ANO3: variants seen among roughly 807,000 people sequenced by gnomAD.
ANO3 encodes anoctamin 3.
Under a neutral mutation model 144.8 loss-of-function variants are expected in ANO3, and 99 were observed. That is an observed-to-expected ratio of 0.68 (90% CI 0.58 to 0.81). The LOEUF is 0.81. ANO3 is among the 30% of genes least tolerant of loss of function. The probability of loss-of-function intolerance (pLI) is 0.00; values close to 1 mark genes in which losing one functional copy is unlikely to be tolerated. For synonymous variants in ANO3, 414 were observed against 392.6 expected (o/e 1.05, Z -0.64); for missense variants, 905 against 1,202.2 (o/e 0.75, Z 3.66).
At chr11:26,418,414 TC>T (rs1262287382) in intron 1 of ANO3, among the ~76,000 whole-genome samples, 1 of 151,996 alleles carries the variant, frequency 6.6e-6, no homozygotes, top group African/African-American at 2.4e-5. Flanking sequence ...CTTCAGAACC[TC>T]CCCATTCTGA....
At chr11:26,412,806 G>GTGTGTGTA (rs1388047914) in intron 1 of ANO3, among the ~76,000 whole-genome samples, 1 of 151,072 alleles carries the variant, frequency 6.6e-6, no homozygotes, top group Non-Finnish European at 1.5e-5. Flanking sequence ...GTGTGTGTGT[G>GTGTGTGTA]TGTGTGTGTG....
intron 1 of ANO3, among the ~76,000 whole-genome samples, chr11:26,300,929 C>CATAAACTATGGCAATCCCAGAA (rs1208928015): frequency 2.3e-5 from 3 of 132,476 alleles, no homozygotes; most frequent in African/African-American, 6.8e-5. Flanking sequence ...TTTCCACTCA[C>CATAAACTATGGCAATCCCAGAA]TGCCACCTCT....
intron 1 of ANO3, among the ~76,000 whole-genome samples, chr11:26,211,463 G>T (rs973053353): frequency 6.6e-6 from 1 of 152,060 alleles, no homozygotes; most frequent in Non-Finnish European, 1.5e-5. Flanking sequence ...ATGAAAAAAT[G>T]TTCATGATTA....
intron 5 of ANO3, among the ~76,000 whole-genome samples, chr11:26,512,442 C>A (rs990647633): frequency 6.6e-6 from 1 of 152,158 alleles, no homozygotes; most frequent in Admixed American, 6.6e-5. Context: ...GGTAATCTTT[C>A]TCCCTGACAG....
intron 14 of ANO3, among the ~76,000 whole-genome samples, chr11:26,595,457 GTTGTTT>G (rs1487508122): frequency 1.5e-5 from 1 of 67,840 alleles, no homozygotes; most frequent in South Asian, 5.9e-4. Flanking sequence ...TTGAGATAGA[GTTGTTT>G]TTTTTTTTTT....
At chr11:26,297,091 T>G (rs942771826) in intron 1 of ANO3, among the ~76,000 whole-genome samples, 1 of 152,118 alleles carries the variant, frequency 6.6e-6, no homozygotes, top group African/African-American at 2.4e-5. Flanking sequence ...TAGGATTCAA[T>G]GTTTCAGATT....
rs952225016 is a variant in ANO3 at position 26,661,233 on chromosome 11, T to C, written c.*789T>C. The C allele has an allele frequency of 5.2e-5, 8 of 152,624 alleles. No individual in the cohort carries two copies. Among genetic ancestry groups the C allele is most frequent in the African/African-American group, 1.2e-4 (5 of 41,456 alleles). 9.5% of individuals were successfully genotyped at this position (152,624 alleles called of 1,614,324 possible). On this transcript the variant is annotated 3_prime_UTR_variant, in exon 27 of 27. Coordinates refer to ENST00000256737, the MANE Select transcript of ANO3 (RefSeq NM_031418.4). ...TATAAACTATGAATGGCTATTCTTATATAGTTTAGAACACAACTAATCCAT... is the reference window on the plus strand; with the variant it reads ...TATAAACTATGAATGGCTATTCTTACATAGTTTAGAACACAACTAATCCAT...
At chr11:26,544,281 T>TACACAC (rs34866679) in intron 11 of ANO3, among the ~76,000 whole-genome samples, 1 of 86,988 alleles carries the variant, frequency 1.1e-5, no homozygotes, top group Non-Finnish European at 2.4e-5. Context: ...TATACACACA[T>TACACAC]ACACACACAC....
chr11:26,250,746 A>G (rs566519139), intron 1 of ANO3, among the ~76,000 whole-genome samples: 8 of 152,348 alleles, frequency 5.3e-5, no homozygotes, highest in African/African-American at 1.4e-4. Flanking sequence ...ATAGTATATG[A>G]GTCTCTTTCC....
At chr11:26,235,748 C>A (rs560773466) in intron 1 of ANO3, among the ~76,000 whole-genome samples, 1 of 151,948 alleles carries the variant, frequency 6.6e-6, no homozygotes, top group African/African-American at 2.4e-5. Flanking sequence ...TCTATTGTTT[C>A]TATTTTAGAC....
chr11:26,293,255 A>C (rs946266410), intron 1 of ANO3, among the ~76,000 whole-genome samples: 1 of 152,252 alleles, frequency 6.6e-6, no homozygotes, highest in East Asian at 1.9e-4. Context: ...ATAAAAAGGC[A>C]TACAGGATCT....
At chr11:26,540,138 T>G (rs1030837587) in intron 10 of ANO3, among the ~76,000 whole-genome samples, 10 of 152,102 alleles carry the variant, frequency 6.6e-5, no homozygotes, top group Non-Finnish European at 1.5e-4. Context: ...ATATGACAGA[T>G]TTTTGAAAGA....
upstream of ANO3, among the ~76,000 whole-genome samples, chr11:26,330,082 T>A (rs532426668): frequency 1.3e-5 from 2 of 152,300 alleles, no homozygotes; most frequent in East Asian, 3.9e-4. Context: ...AAGGGGGTTT[T>A]AAACATTTAA....
Position 26,662,962 on chromosome 11 carries a change from G to A in ANO3, c.*2518G>A, listed in dbSNP as rs1853921031. ...CTCAGGAATTCTGTATTACATGAAT[G>A]CTGCTTATATATTTTCATATTCTAA... On this transcript the variant is annotated 3_prime_UTR_variant, in exon 27 of 27. Coordinates refer to ENST00000256737, the MANE Select transcript of ANO3 (RefSeq NM_031418.4). The A allele has an allele frequency of 6.6e-6, 1 of 152,420 alleles. No homozygotes were observed. Among genetic ancestry groups the A allele is most frequent in the Non-Finnish European group, 1.5e-5 (1 of 67,966 alleles). The allele number at this position is 152,420 out of a possible 1,614,324, so 9.4% of individuals were successfully genotyped here. A position where few individuals can be genotyped will look rare whatever the true frequency, so the allele number is the denominator to read the frequency against.
chr11:26,223,602 TA>T (rs58028308), intron 1 of ANO3, among the ~76,000 whole-genome samples: 5,176 of 103,932 alleles, frequency 0.05, 221 homozygotes, highest in African/African-American at 0.14. Context: ...AGCTTTTTAA[TA>T]AAAAAAAAAA....
chr11:26,467,527 GAA>G (rs1211939339), intron 4 of ANO3, among the ~76,000 whole-genome samples: 1 of 151,918 alleles, frequency 6.6e-6, no homozygotes, highest in Non-Finnish European at 1.5e-5. Context: ...GTGAGAAGAT[GAA>G]AAGTCTGTCT....
chr11:26,427,083 C>T (rs1453396920), intron 1 of ANO3: 2 of 178,554 alleles, frequency 1.1e-5, no homozygotes, highest in East Asian at 1.3e-4. Flanking sequence ...GTGAAAGTCT[C>T]TGGAACCTTC....
At chr11:26,610,122 A>G (rs557140878) in intron 17 of ANO3, among the ~76,000 whole-genome samples, 2 of 151,668 alleles carry the variant, frequency 1.3e-5, no homozygotes, top group Non-Finnish European at 2.9e-5. Flanking sequence ...TGTTGGTCAG[A>G]CTGGTCTCTA....
chr11:26,395,168 G>A (rs1257839025), intron 1 of ANO3, among the ~76,000 whole-genome samples: 1 of 152,074 alleles, frequency 6.6e-6, no homozygotes, highest in Admixed American at 6.5e-5. Flanking sequence ...TGCTATTTTG[G>A]TTACTGTAGC....
Sources: allele counts gnomAD v4.1 joint callset (sites outside exome capture counted in the v4.1 genomes callset), GRCh38; gene constraint gnomAD v4.1.1; transcripts MANE v1.5; gene names NCBI Gene and HGNC (gene_info 2026-07-23, HGNC 2026-07-21).